The following CAMSAP2 variants were observed in gnomAD, a reference collection of about 807,000 sequenced individuals.
The protein encoded by CAMSAP2 is calmodulin regulated spectrin associated protein family member 2, also known as calmodulin-regulated spectrin-associated protein 2.
In CAMSAP2, 26 loss-of-function variants were observed where a neutral mutation model predicts 146.1. The observed-to-expected ratio is 0.18, with a 90% CI of 0.13 to 0.25. The LOEUF (loss-of-function observed/expected upper bound fraction) is 0.25, where lower values mean the gene tolerates loss of function less well. Ranked by LOEUF, CAMSAP2 falls within the 10% of genes least tolerant of loss-of-function variation. CAMSAP2 has a pLI of 1.00. For synonymous variants in CAMSAP2, 499 were observed against 596.6 expected, an observed-to-expected ratio of 0.84 and a Z score of 2.38; for missense variants, 1,381 against 1,759.3, an observed-to-expected ratio of 0.78 and a Z score of 3.85.
intron 2 of CAMSAP2, among the ~76,000 whole-genome samples, chr1:200,775,457 A>G (rs542444370): frequency 7.9e-5 from 12 of 152,288 alleles, no homozygotes; most frequent in African/African-American, 2.9e-4. Flanking sequence ...TTTTTTTTTC[A>G]GAATCATTAA....
chr1:200,801,159 G>T (rs1190139103), intron 2 of CAMSAP2, among the ~76,000 whole-genome samples: 2 of 152,024 alleles, frequency 1.3e-5, no homozygotes, highest in African/African-American at 2.4e-5. Context: ...AGCTACTTGG[G>T]AGGCTGAGGC....
At chr1:200,796,584 T>C (rs1350900740) in intron 2 of CAMSAP2, among the ~76,000 whole-genome samples, 1 of 152,174 alleles carries the variant, frequency 6.6e-6, no homozygotes, top group Non-Finnish European at 1.5e-5. Context: ...TATGTAGTCT[T>C]CCATCCATCA....
rs1571838830 is a variant in CAMSAP2 at position 200,857,158 on chromosome 1, T to C, written c.4013-148T>C. ...TGGATAAAACAATGTTTTGGTTGGA[T>C]TGCAGCCAGTAAGAGGCCTTTAAGC... On this transcript the variant is annotated intron_variant, in intron 15 of 16. Coordinates refer to ENST00000358823, the MANE Select transcript of CAMSAP2 (RefSeq NM_203459.4). The surrounding 1 kb of genome is among the most constrained non-coding windows in gnomAD (Gnocchi z 4.7). 1.5e-6 allele frequency: 1 copy of C among 656,622 alleles called. No individual in the cohort carries two copies. The highest frequency in any genetic ancestry group is 2.8e-5 in the East Asian group (1 of 36,270). The allele number at this position is 656,622 out of a possible 1,614,324, so 40.7% of individuals were successfully genotyped here.
In CAMSAP2 at chr1:200,807,402, C is replaced by A; in HGVS notation, c.426C>A (p.Thr142=). 1.9e-6 allele frequency: 3 copies of A among 1,579,840 alleles called. No homozygotes were observed. Among genetic ancestry groups the A allele is most frequent in the Non-Finnish European group, 8.6e-7 (1 of 1,161,340 alleles). ...GTGCACATTTGGCCATGATCGATAC[C>A]CTCATGATGGCTTATACTGTAGAAA... ...QMSAHLAMID[T]LMMAYTVEMV... Residue 142 remains threonine, a synonymous_variant, in exon 3 of 17, where the codon ACC becomes ACA. Coordinates refer to ENST00000358823, the MANE Select transcript of CAMSAP2 (RefSeq NM_203459.4).
At chr1:200,827,430 G>A (rs1041658056) in intron 4 of CAMSAP2, among the ~76,000 whole-genome samples, 9 of 152,082 alleles carry the variant, frequency 5.9e-5, no homozygotes, top group East Asian at 1.9e-4. Context: ...ACCCTGACAC[G>A]TTTTCAGTGG....
At chr1:200,785,388 C>G (rs1435906924) in intron 2 of CAMSAP2, among the ~76,000 whole-genome samples, 3 of 142,652 alleles carry the variant, frequency 2.1e-5, no homozygotes, top group Non-Finnish European at 4.6e-5. Context: ...CTTTTTTTTT[C>G]TTTTGTTTTT....
In CAMSAP2 at chr1:200,847,592, T is replaced by A. The variant is rs1292080321; in HGVS notation, c.1193-48T>A. On this transcript the variant is annotated intron_variant, in intron 9 of 16. Transcript: ENST00000358823. Reference sequence around the variant, plus strand: ...TGAAATCTCCTAAGTTGCTATAAGTTAATTTTTTTACATGATTTCAATGGC... The same window carrying A: ...TGAAATCTCCTAAGTTGCTATAAGTAAATTTTTTTACATGATTTCAATGGC... The A allele has an allele frequency of 2.0e-6, 3 of 1,472,868 alleles. No individual in the cohort carries two copies. The Admixed American group carries it at 5.3e-5, about 26-fold the overall frequency. The allele number at this position is 1,472,868 out of a possible 1,614,324, so 91.2% of individuals were successfully genotyped here. A position where few individuals can be genotyped will look rare whatever the true frequency, so the allele number is the denominator to read the frequency against.
intron 4 of CAMSAP2, among the ~76,000 whole-genome samples, chr1:200,820,376 G>A (rs1324735074): frequency 2.0e-5 from 3 of 152,098 alleles, no homozygotes; most frequent in African/African-American, 7.2e-5. Context: ...AAGTATTAAA[G>A]ATACATGTTT....
rs1217715873 is a variant in CAMSAP2 at position 200,740,059 on chromosome 1, G to T, written c.139+93G>T. The T allele has an allele frequency of 2.8e-5, 40 of 1,410,206 alleles. No individual in the cohort carries two copies. In the East Asian group the frequency reaches 8.7e-4, roughly 31 times the overall value. The allele number at this position is 1,410,206 out of a possible 1,614,324, so 87.4% of individuals were successfully genotyped here. On this transcript the variant is annotated intron_variant, in intron 1 of 16. Coordinates refer to ENST00000358823, the MANE Select transcript of CAMSAP2 (RefSeq NM_203459.4). ...GATTCTCGAATCCCTCCCTCCCCGTGCCTGTCTTCTCGTACAGGTTAAGGG... is the reference window on the plus strand; with the variant it reads ...GATTCTCGAATCCCTCCCTCCCCGTTCCTGTCTTCTCGTACAGGTTAAGGG...
intron 1 of CAMSAP2, among the ~76,000 whole-genome samples, chr1:200,745,876 C>T (rs557412211): frequency 7.2e-5 from 11 of 152,280 alleles, no homozygotes; most frequent in Admixed American, 7.2e-4. Context: ...GAAATATTTT[C>T]TATTATCTAC....
chr1:200,766,348 C>A (rs146794188), intron 2 of CAMSAP2, among the ~76,000 whole-genome samples: 121 of 151,774 alleles, frequency 8.0e-4, no homozygotes, highest in African/African-American at 2.6e-3. Flanking sequence ...ACAGGGTCTC[C>A]CTATGTTGCC....
intron 2 of CAMSAP2, among the ~76,000 whole-genome samples, chr1:200,805,982 A>C (rs991558581): frequency 5.3e-5 from 8 of 152,222 alleles, no homozygotes; most frequent in African/African-American, 1.9e-4. Context: ...TAAATTCCAG[A>C]TGGAATTAAA....
chr1:200,772,038 T>A, intron 2 of CAMSAP2, among the ~76,000 whole-genome samples: 1 of 152,180 alleles, frequency 6.6e-6, no homozygotes, highest in Non-Finnish European at 1.5e-5. Flanking sequence ...AGGACAGATT[T>A]CATTACAGAA....
chr1:200,816,711 T>G lies in CAMSAP2; in HGVS notation c.645+1067T>G, dbSNP rs148666738. 1.7e-5 allele frequency among the ~76,000 whole-genome samples: 2 copies of G among 117,004 alleles called. 1 individual carries two copies. The highest frequency in any genetic ancestry group is 3.8e-5 in the Non-Finnish European group (2 of 52,708). 76.8% of individuals were successfully genotyped at this position (117,004 alleles called of 152,430 possible). On this transcript the variant is annotated intron_variant, in intron 4 of 16. Coordinates refer to ENST00000358823, the MANE Select transcript of CAMSAP2 (RefSeq NM_203459.4). ...GTACATGCACACATATATGTGTATA[T>G]ATACACACGCACATATATGTGTGTA...
chr1:200,839,541 G>A (rs1360564539), intron 6 of CAMSAP2, among the ~76,000 whole-genome samples: 3 of 152,126 alleles, frequency 2.0e-5, no homozygotes, highest in Admixed American at 6.6e-5. Context: ...GAATATAATG[G>A]CATTCACAGC....
chr1:200,788,414 G>C (rs1044720961), intron 2 of CAMSAP2, among the ~76,000 whole-genome samples: 2 of 152,216 alleles, frequency 1.3e-5, no homozygotes, highest in Non-Finnish European at 1.5e-5. Context: ...GTGATTGCTG[G>C]ATCATAGAGT....
chr1:200,818,329 T>C (rs1666662376), intron 4 of CAMSAP2, among the ~76,000 whole-genome samples: 1 of 152,138 alleles, frequency 6.6e-6, no homozygotes, highest in Admixed American at 6.5e-5. Flanking sequence ...AATCTAGACA[T>C]TGTTGTATTA....
chr1:200,856,093 C>T lies in CAMSAP2; in HGVS notation c.3980C>T (p.Thr1327Ile). The change falls in exon 15 of 17, where the codon ACT becomes ATT. Residue 1327 changes from threonine to isoleucine, a missense_variant. Thr to Ile is a moderately conservative substitution (Grantham distance 89). This residue lies in a region of CAMSAP2 where 560 missense variants were observed against 715.9 expected (regional missense o/e 0.78). Coordinates refer to ENST00000358823, the MANE Select transcript of CAMSAP2 (RefSeq NM_203459.4). ...AAAGACTGGGAGAATGCATCAACAACTTCTTCAGTGGCTTCTGGAACAGAA... is the reference window on the plus strand; with the variant it reads ...AAAGACTGGGAGAATGCATCAACAATTTCTTCAGTGGCTTCTGGAACAGAA... ...GEKDWENASTTSSVASGTEYT... is the reference protein window; with the variant it reads ...GEKDWENASTISSVASGTEYT... The T allele has an allele frequency of 6.2e-7, 1 of 1,613,480 alleles. No homozygotes were observed. The highest frequency in any genetic ancestry group is 8.5e-7 in the Non-Finnish European group (1 of 1,179,444).
chr1:200,792,949 C>T (rs1002170738), intron 2 of CAMSAP2, among the ~76,000 whole-genome samples: 69 of 152,112 alleles, frequency 4.5e-4, no homozygotes, highest in Non-Finnish European at 1.0e-4. Context: ...TGTGTTCTTT[C>T]TCACAGTTGT....
Sources: gnomAD v4.1 joint callset for allele counts (sites outside exome capture counted in the v4.1 genomes callset) on GRCh38, gnomAD v4.1.1 for gene constraint, gnomAD v4.1.1 regional missense constraint, Gnocchi (gnomAD v3.1) non-coding constraint, MANE v1.5 for transcripts, NCBI Gene and HGNC (gene_info 2026-07-23, HGNC 2026-07-21) for gene names.